The following CREB5 variants were observed in gnomAD, a reference collection of about 807,000 sequenced individuals.
The protein encoded by CREB5 is cyclic AMP-responsive element-binding protein 5.
CREB5 carries 19 observed loss-of-function variants against 57.1 expected under a neutral mutation model. The observed-to-expected ratio is 0.33, with a 90% CI of 0.23 to 0.49. CREB5 has a LOEUF of 0.49. Ranked by LOEUF, CREB5 falls within the 20% of genes least tolerant of loss-of-function variation. The pLI is 0.99. For synonymous variants in CREB5, 238 were observed against 238.3 expected, an observed-to-expected ratio of 1.00 and a Z score of 0.01; for missense variants, 579 against 671.6, an observed-to-expected ratio of 0.86 and a Z score of 1.52.
chr7:28,620,787 C>G (rs2128685271), intron 5 of CREB5, among the ~76,000 whole-genome samples: 1 of 152,182 alleles, frequency 6.6e-6, no homozygotes, highest in Non-Finnish European at 1.5e-5. Flanking sequence ...GTTGTCTATA[C>G]AGATAGCCAA....
At chr7:28,380,099 A>G (rs1241522962) in intron 1 of CREB5, among the ~76,000 whole-genome samples, 1 of 152,106 alleles carries the variant, frequency 6.6e-6, no homozygotes, top group African/African-American at 2.4e-5. Context: ...GATGCATGCT[A>G]TGGTTTGAAG....
upstream of CREB5, among the ~76,000 whole-genome samples, chr7:28,408,968 C>G (rs1244459840): frequency 6.6e-6 from 1 of 152,078 alleles, no homozygotes; most frequent in Admixed American, 6.5e-5. Flanking sequence ...CCCCTACCCC[C>G]ATCCCTACAC....
At chr7:28,629,742 T>C (rs1798133678) in intron 5 of CREB5, among the ~76,000 whole-genome samples, 1 of 152,216 alleles carries the variant, frequency 6.6e-6, no homozygotes, top group Non-Finnish European at 1.5e-5. Context: ...TTATAAGGGA[T>C]GGCATCTATT....
At chr7:28,791,547 A>G (rs976186326) in intron 7 of CREB5, among the ~76,000 whole-genome samples, 1 of 152,192 alleles carries the variant, frequency 6.6e-6, no homozygotes, top group African/African-American at 2.4e-5. Context: ...AATTTTCTAT[A>G]TCTCCAAAAG....
intron 7 of CREB5, among the ~76,000 whole-genome samples, chr7:28,737,467 C>G (rs1804042250): frequency 6.9e-6 from 1 of 145,390 alleles, no homozygotes; most frequent in Non-Finnish European, 1.5e-5. Context: ...ACAGAGAAAT[C>G]ATTTAGCACA....
intron 1 of CREB5, among the ~76,000 whole-genome samples, chr7:28,434,238 T>C (rs1017335752): frequency 6.6e-6 from 1 of 152,148 alleles, no homozygotes; most frequent in Non-Finnish European, 1.5e-5. Flanking sequence ...CATTTTACAA[T>C]GGAGATAATA....
chr7:28,526,156 C>T (rs889357086), intron 4 of CREB5, among the ~76,000 whole-genome samples: 3 of 152,126 alleles, frequency 2.0e-5, no homozygotes, highest in Non-Finnish European at 4.4e-5. Flanking sequence ...AAGCCTTAGT[C>T]AAAACTCAGA....
intron 1 of CREB5, among the ~76,000 whole-genome samples, chr7:28,366,075 T>C (rs181790011): frequency 6.6e-5 from 10 of 152,292 alleles, no homozygotes; most frequent in Admixed American, 3.3e-4. Context: ...CAGCCTTCTT[T>C]AACAGAAATT....
At chr7:28,464,538 T>TGTGTGTGTGTGTGTGTG (rs1562735175) in intron 1 of CREB5, among the ~76,000 whole-genome samples, 1 of 148,232 alleles carries the variant, frequency 6.7e-6, no homozygotes, top group Admixed American at 6.8e-5. Context: ...TGTGTGTGTG[T>TGTGTGTGTGTGTGTGTG]TACTAATGCA....
chr7:28,795,439 G>T, intron 7 of CREB5, among the ~76,000 whole-genome samples: 1 of 152,172 alleles, frequency 6.6e-6, no homozygotes, highest in East Asian at 1.9e-4. Flanking sequence ...TAAGCCAGCT[G>T]GTAGATAATA....
chr7:28,517,316 T>G (rs1008635627), intron 4 of CREB5, among the ~76,000 whole-genome samples: 3 of 152,202 alleles, frequency 2.0e-5, no homozygotes, highest in Admixed American at 2.0e-4. Context: ...TGGGAGTGAT[T>G]TACTCTGAGA....
At chr7:28,478,666 T>G (rs1398782401) in intron 1 of CREB5, among the ~76,000 whole-genome samples, 5 of 152,208 alleles carry the variant, frequency 3.3e-5, no homozygotes, top group Non-Finnish European at 4.4e-5. Context: ...TCACAAGTGG[T>G]AAGGCATTGG....
chr7:28,812,433 G>A (rs1435087878), intron 9 of CREB5, among the ~76,000 whole-genome samples: 1 of 152,060 alleles, frequency 6.6e-6, no homozygotes. Flanking sequence ...CCCTTCGCTA[G>A]ACCCTAATGC....
intron 7 of CREB5, among the ~76,000 whole-genome samples, chr7:28,745,912 C>A (rs1385401172): frequency 6.6e-6 from 1 of 152,216 alleles, no homozygotes; most frequent in Non-Finnish European, 1.5e-5. Flanking sequence ...TGGCTCCCTG[C>A]TTTTGCCTAA....
intron 5 of CREB5, among the ~76,000 whole-genome samples, chr7:28,596,506 T>A (rs1449813849): frequency 6.6e-6 from 1 of 152,198 alleles, no homozygotes; most frequent in South Asian, 2.1e-4. Context: ...CAGTTCATAT[T>A]AAATTATTGA....
intron 5 of CREB5, among the ~76,000 whole-genome samples, chr7:28,617,479 G>A (rs1797634683): frequency 1.3e-5 from 2 of 152,198 alleles, no homozygotes; most frequent in South Asian, 4.1e-4. Flanking sequence ...AGACTGAGGG[G>A]CTGAACAGGG....
intron 4 of CREB5, among the ~76,000 whole-genome samples, chr7:28,522,458 C>T (rs1273603603): frequency 7.0e-6 from 1 of 143,180 alleles, no homozygotes; most frequent in African/African-American, 2.6e-5. Flanking sequence ...TGCAATGGCA[C>T]AATCTCTGCT....
chr7:28,482,689 C>T (rs1466186724), intron 1 of CREB5, among the ~76,000 whole-genome samples: 1 of 152,198 alleles, frequency 6.6e-6, no homozygotes, highest in Non-Finnish European at 1.5e-5. Flanking sequence ...TAAATGTTGT[C>T]AATATCACGA....
chr7:28,584,383 G>T (rs904054129), intron 5 of CREB5, among the ~76,000 whole-genome samples: 1 of 152,186 alleles, frequency 6.6e-6, no homozygotes, highest in Admixed American at 6.5e-5. Context: ...TGACATTGTG[G>T]AGGATTTGGG....
Sources: allele counts gnomAD v4.1 joint callset (sites outside exome capture counted in the v4.1 genomes callset), GRCh38; gene constraint gnomAD v4.1.1; transcripts MANE v1.5; gene names NCBI Gene and HGNC (gene_info 2026-07-23, HGNC 2026-07-21).